The following HDAC9 variants were observed in gnomAD, a reference collection of about 807,000 sequenced individuals.
The protein encoded by HDAC9 is MEF-2 interacting transcription repressor (MITR) protein.
In HDAC9, 41 loss-of-function variants were observed where a neutral mutation model predicts 139.4. The observed-to-expected ratio is 0.29, with a 90% CI of 0.23 to 0.38. The LOEUF (loss-of-function observed/expected upper bound fraction) is 0.38. Ranked by LOEUF, HDAC9 falls within the 10% of genes least tolerant of loss-of-function variation. The pLI is 1.00. For missense variants in HDAC9, 1,147 were observed against 1,297.0 expected, an observed-to-expected ratio of 0.88 and a Z score of 1.78; for synonymous variants, 517 against 476.2, an observed-to-expected ratio of 1.09 and a Z score of -1.12.
intron 2 of HDAC9, among the ~76,000 whole-genome samples, chr7:18,558,987 A>G (rs1449139603): frequency 6.6e-6 from 1 of 152,146 alleles, no homozygotes; most frequent in Non-Finnish European, 1.5e-5. Context: ...AGGCAGGGAA[A>G]TGCCTTCCAT....
In HDAC9 at chr7:18,362,084, T is replaced by A. The variant is rs117207511; in HGVS notation, c.-42+71569T>A. 1.4e-3 allele frequency among the ~76,000 whole-genome samples: 206 copies of A among 152,344 alleles called. 8 individuals carry two copies. The East Asian group carries it at 0.033, about 25-fold the overall frequency. On this transcript the variant is annotated intron_variant, in intron 1 of 3. Coordinates refer to the HDAC9 transcript ENST00000413509. ...AATGGAGCACCAGCACATTCTCCAA[T>A]TCTCCTAGGTGTCGTAGCTCTCCTC...
intron 16 of HDAC9, among the ~76,000 whole-genome samples, chr7:18,787,811 A>G (rs1791947571): frequency 6.6e-6 from 1 of 152,170 alleles, no homozygotes; most frequent in Non-Finnish European, 1.5e-5. Flanking sequence ...TGTGATGAAT[A>G]TGTTATTTAT....
At chr7:18,541,556 T>C (rs1053531836) in intron 2 of HDAC9, among the ~76,000 whole-genome samples, 5 of 152,200 alleles carry the variant, frequency 3.3e-5, no homozygotes, top group African/African-American at 1.2e-4. Flanking sequence ...TTCCATTCTG[T>C]GTTACTCAGC....
chr7:18,790,379 T>G (rs1417217509), intron 16 of HDAC9, among the ~76,000 whole-genome samples: 1 of 151,704 alleles, frequency 6.6e-6, no homozygotes, highest in Non-Finnish European at 1.5e-5. Flanking sequence ...TATCCTTACA[T>G]GAAGAGGAAC....
intron 21 of HDAC9, among the ~76,000 whole-genome samples, chr7:18,851,116 G>A (rs1335009339): frequency 6.6e-6 from 1 of 152,192 alleles, no homozygotes; most frequent in Non-Finnish European, 1.5e-5. Flanking sequence ...GCTTCCCTTT[G>A]CCTAGCAGCA....
intron 1 of HDAC9, among the ~76,000 whole-genome samples, chr7:18,115,011 T>G (rs943408108): frequency 3.3e-5 from 5 of 152,130 alleles, no homozygotes; most frequent in African/African-American, 1.2e-4. Flanking sequence ...AATTCATATG[T>G]CCGGGCACAG....
chr7:18,834,359 A>G (rs1333291618), intron 19 of HDAC9, among the ~76,000 whole-genome samples: 1 of 151,638 alleles, frequency 6.6e-6, no homozygotes, highest in African/African-American at 2.4e-5. Context: ...AGAAGATATT[A>G]TGAAGCATAT....
intron 2 of HDAC9, among the ~76,000 whole-genome samples, chr7:18,243,981 C>T (rs1794357259): frequency 6.6e-6 from 1 of 152,042 alleles, no homozygotes; most frequent in Admixed American, 6.6e-5. Flanking sequence ...ATCCAGCTCC[C>T]AAAGCAGATA....
Position 18,660,961 on chromosome 7 carries a change from G to A in HDAC9, c.1468-5252G>A, listed in dbSNP as rs573039484. On this transcript the variant is annotated intron_variant, in intron 11 of 25. Transcript: ENST00000686413. ...GGAAGTCAGTGGGGGATTCTAAGCA[G>A]AGAATTAATGTTACCTAAATTATAT... 2.6e-5 allele frequency among the ~76,000 whole-genome samples: 4 copies of A among 152,200 alleles called. No homozygotes were observed. In the South Asian group the frequency reaches 8.3e-4, roughly 32 times the overall value.
At chr7:18,893,165 A>T (rs1800847992) in intron 22 of HDAC9, among the ~76,000 whole-genome samples, 1 of 151,922 alleles carries the variant, frequency 6.6e-6, no homozygotes, top group African/African-American at 2.4e-5. Context: ...TTCTTTTCAT[A>T]TTGATGGTGA....
Position 18,401,165 on chromosome 7 carries a change from G to T in HDAC9, c.-41-95097G>T, listed in dbSNP as rs575151589. On this transcript the variant is annotated intron_variant, in intron 1 of 3. Coordinates refer to the HDAC9 transcript ENST00000413509. Reference sequence around the variant, plus strand: ...AGTGCTTTTAGTTGGTATTTTTAATGAAGTGTTATCCACTTAAAGTGTGAT... The same window carrying T: ...AGTGCTTTTAGTTGGTATTTTTAATTAAGTGTTATCCACTTAAAGTGTGAT... Among the ~76,000 whole-genome samples the T allele has an allele frequency of 3.3e-5, 5 of 152,280 alleles. No homozygotes were observed. The East Asian group carries it at 9.6e-4, about 29-fold the overall frequency.
chr7:18,600,535 G>T (rs1170495678), intron 6 of HDAC9, among the ~76,000 whole-genome samples: 8 of 152,172 alleles, frequency 5.3e-5, no homozygotes, highest in Admixed American at 4.6e-4. Context: ...TTGTTGAAGA[G>T]ACTATCATCC....
chr7:18,473,291 A>G (rs1794863484), intron 1 of HDAC9, among the ~76,000 whole-genome samples: 1 of 152,190 alleles, frequency 6.6e-6, no homozygotes, highest in Non-Finnish European at 1.5e-5. Context: ...GAAGTAACAT[A>G]TGGTAGTTGT....
intron 24 of HDAC9, among the ~76,000 whole-genome samples, chr7:18,954,881 G>A (rs1322889299): frequency 2.0e-5 from 3 of 152,076 alleles, no homozygotes; most frequent in African/African-American, 7.2e-5. Flanking sequence ...CATTTATTAA[G>A]TGCCACTTAA....
At chr7:18,610,132 C>G (rs1300457201) in intron 6 of HDAC9, among the ~76,000 whole-genome samples, 1 of 152,110 alleles carries the variant, frequency 6.6e-6, no homozygotes, top group African/African-American at 2.4e-5. Context: ...TTCACAATAG[C>G]AAAGACTTGG....
intron 1 of HDAC9, among the ~76,000 whole-genome samples, chr7:18,300,095 T>G (rs1298229986): frequency 2.0e-5 from 3 of 152,298 alleles, no homozygotes; most frequent in African/African-American, 7.2e-5. Context: ...TTGTCCAACC[T>G]GTGGCCTGCG....
chr7:18,780,909 G>T (rs1432362520), intron 16 of HDAC9, among the ~76,000 whole-genome samples: 1 of 152,008 alleles, frequency 6.6e-6, no homozygotes, highest in Non-Finnish European at 1.5e-5. Context: ...GTTCACATCT[G>T]TATTTGGCTA....
At chr7:18,822,347 T>TTG (rs1562965119) in intron 17 of HDAC9, among the ~76,000 whole-genome samples, 5 of 149,862 alleles carry the variant, frequency 3.3e-5, no homozygotes, top group Non-Finnish European at 6.0e-5. Flanking sequence ...TGTTTGTTTG[T>TTG]TTGTTGTTGT....
At chr7:18,993,365 C>A (rs1332269474) in intron 25 of HDAC9, among the ~76,000 whole-genome samples, 1 of 152,146 alleles carries the variant, frequency 6.6e-6, no homozygotes, top group African/African-American at 2.4e-5. Context: ...ATAAAATTGA[C>A]AATCTAGAGA....
Sources: gnomAD v4.1 joint callset for allele counts (sites outside exome capture counted in the v4.1 genomes callset) on GRCh38, gnomAD v4.1.1 for gene constraint, MANE v1.5 for transcripts, NCBI Gene and HGNC (gene_info 2026-07-23, HGNC 2026-07-21) for gene names.